Variants in RPS6KA2 observed in about 807,000 individuals in gnomAD.
The protein encoded by RPS6KA2 is ribosomal protein S6 kinase alpha-2.
A neutral mutation model predicts 91.8 loss-of-function variants in RPS6KA2; 42 were observed. The observed-to-expected ratio is 0.46, with a 90% CI of 0.36 to 0.59. RPS6KA2 has a LOEUF of 0.59. RPS6KA2 is among the 20% of genes least tolerant of loss of function. RPS6KA2 has a pLI of 0.00. For missense variants in RPS6KA2, 798 were observed against 978.5 expected (o/e 0.82, Z 2.46); for synonymous variants, 414 against 393.6 (o/e 1.05, Z -0.61).
intron 10 of RPS6KA2, among the ~76,000 whole-genome samples, chr6:166,474,835 G>A (rs948448938): frequency 1.3e-5 from 2 of 151,964 alleles, no homozygotes; most frequent in African/African-American, 4.8e-5. Flanking sequence ...CCACAACCGC[G>A]AGCCTCTCCC....
At chr6:166,586,634 T>C (rs1209664215) in intron 1 of RPS6KA2, among the ~76,000 whole-genome samples, 1 of 124,532 alleles carries the variant, frequency 8.0e-6, no homozygotes, top group East Asian at 1.9e-4. Context: ...ACCGTGGAAC[T>C]CCAGACCACT....
chr6:166,617,474 T>G lies in RPS6KA2; in HGVS notation c.99+9447A>C, dbSNP rs1786455552. Among the ~76,000 whole-genome samples the G allele has an allele frequency of 5.9e-5, 9 of 152,044 alleles. 1 individual carries two copies. The highest frequency in any genetic ancestry group is 5.9e-4 in the Admixed American group (9 of 15,266). ...GATTAGACATTTTTTCTACAGAAAA[T>G]TTTTCAAGGCCAAACAGTAGTTAGT... On this transcript the variant is annotated intron_variant, in intron 1 of 20. Transcript: ENST00000265678.
rs1010456606 is a variant in RPS6KA2 at position 166,412,061 on chromosome 6, C to T, written c.*701G>A. 1 of 152,468 alleles carries T rather than the reference C, an allele frequency of 6.6e-6. No homozygotes were observed. Among genetic ancestry groups the T allele is most frequent in the Non-Finnish European group, 1.5e-5 (1 of 68,166 alleles). The allele number at this position is 152,468 out of a possible 1,614,324, so 9.4% of individuals were successfully genotyped here. A position where few individuals can be genotyped will look rare whatever the true frequency, so the allele number is the denominator to read the frequency against. On this transcript the variant is annotated 3_prime_UTR_variant, in exon 21 of 21. Coordinates refer to ENST00000265678, the MANE Select transcript of RPS6KA2 (RefSeq NM_021135.6). The surrounding 1 kb of genome is among the most constrained non-coding windows in gnomAD (Gnocchi z 4.3). ...TCCTCCGAGAGGCACCCCCTTCCATCCTGGTGACACGGAGCTCTCAAGGCA... is the reference window on the plus strand; with the variant it reads ...TCCTCCGAGAGGCACCCCCTTCCATTCTGGTGACACGGAGCTCTCAAGGCA...
intron 1 of RPS6KA2, among the ~76,000 whole-genome samples, chr6:166,581,323 G>A (rs190937440): frequency 2.2e-4 from 34 of 152,270 alleles, no homozygotes; most frequent in African/African-American, 3.4e-4. Context: ...GGGCCTATGC[G>A]GAGAATGCCG....
intron 2 of RPS6KA2, among the ~76,000 whole-genome samples, chr6:166,636,892 G>A (rs1383840191): frequency 6.6e-6 from 1 of 152,204 alleles, no homozygotes; most frequent in African/African-American, 2.4e-5. Context: ...AGGACAAATA[G>A]CTATAGGCCA....
At chr6:166,728,453 A>G (rs538544260) in intron 2 of RPS6KA2, among the ~76,000 whole-genome samples, 10 of 152,308 alleles carry the variant, frequency 6.6e-5, no homozygotes, top group African/African-American at 9.6e-5. Context: ...CCATGGGTAC[A>G]TGACAAGCCT....
chr6:166,649,921 G>A (rs888632611), intron 2 of RPS6KA2, among the ~76,000 whole-genome samples: 2 of 152,154 alleles, frequency 1.3e-5, no homozygotes, highest in Non-Finnish European at 2.9e-5. Context: ...CTTCAGAACT[G>A]CATGCCCAAC....
In RPS6KA2 at chr6:166,414,942, AT is replaced by A. The variant is rs370070371; in HGVS notation, c.1939-1012del. 5.9e-3 allele frequency among the ~76,000 whole-genome samples: 899 copies of A among 152,250 alleles called. 3 individuals carry two copies. The highest frequency in any genetic ancestry group is 0.016 in the South Asian group (77 of 4,826). On this transcript the variant is annotated intron_variant, in intron 19 of 20. Coordinates refer to ENST00000265678, the MANE Select transcript of RPS6KA2 (RefSeq NM_021135.6). ...GAGCTGGGTGTGGTGGCATGCGCCT[AT>A]AATCCCAGCTACCTGGGGGGCTGAG...
chr6:166,768,978 C>T (rs1778394649), intron 2 of RPS6KA2, among the ~76,000 whole-genome samples: 1 of 152,202 alleles, frequency 6.6e-6, no homozygotes, highest in African/African-American at 2.4e-5. Context: ...CTGGCAGAAA[C>T]AGCCGCTTTC....
chr6:166,560,814 T>C (rs944815405), intron 1 of RPS6KA2, among the ~76,000 whole-genome samples: 6 of 152,260 alleles, frequency 3.9e-5, no homozygotes, highest in African/African-American at 1.4e-4. Flanking sequence ...TGCTTTTTCT[T>C]TTATTCTTCC....
Position 166,617,291 on chromosome 6 carries a change from T to TG in RPS6KA2, c.99+9629dup, listed in dbSNP as rs200298375. Among the ~76,000 whole-genome samples the TG allele has an allele frequency of 1.8e-3, 273 of 152,354 alleles. 1 individual carries two copies. The highest frequency in any genetic ancestry group is 6.4e-3 in the African/African-American group (265 of 41,582). On this transcript the variant is annotated intron_variant, in intron 1 of 20. Transcript: ENST00000265678. ...CTTAAAAATTACCAGCATTAATACA[T>TG]GTGGAAATCTGTGCATTTTAAAAAA...
chr6:166,668,096 G>C lies in RPS6KA2; in HGVS notation c.124-129312C>G, dbSNP rs992820189. Among the ~76,000 whole-genome samples, 3 of 152,218 alleles carry C rather than the reference G, an allele frequency of 2.0e-5. No individual in the cohort carries two copies. The East Asian group carries it at 5.8e-4, about 29-fold the overall frequency. On this transcript the variant is annotated intron_variant, in intron 2 of 21. Transcript: ENST00000503859. Reference sequence around the variant, plus strand: ...TGGGGCCAGGGAAAGGACAATGCCAGGTTCCTGGAGAGCTGGAGTGACACA... The same window carrying C: ...TGGGGCCAGGGAAAGGACAATGCCACGTTCCTGGAGAGCTGGAGTGACACA...
chr6:166,452,234 A>G (rs1489597691), intron 12 of RPS6KA2, among the ~76,000 whole-genome samples: 2 of 152,218 alleles, frequency 1.3e-5, no homozygotes, highest in African/African-American at 2.4e-5. Context: ...CAACATTTAA[A>G]GCCAACTTTA....
chr6:166,781,647 A>T (rs1248731749), intron 2 of RPS6KA2, among the ~76,000 whole-genome samples: 4 of 152,238 alleles, frequency 2.6e-5, no homozygotes, highest in Admixed American at 6.5e-5. Context: ...CTTGGTAAAC[A>T]GGCCCAGCTG....
chr6:166,740,731 G>GTAACCCAGTGGAAATATAT (rs1435007890), intron 2 of RPS6KA2, among the ~76,000 whole-genome samples: 2 of 152,248 alleles, frequency 1.3e-5, no homozygotes, highest in Non-Finnish European at 1.5e-5. Context: ...CAAAAAGACA[G>GTAACCCAGTGGAAATATAT]TAACCCAGTG....
At chr6:166,817,778 A>C (rs1264145562) in intron 2 of RPS6KA2, among the ~76,000 whole-genome samples, 1 of 149,456 alleles carries the variant, frequency 6.7e-6, no homozygotes, top group African/African-American at 2.5e-5. Flanking sequence ...GCTGGAGTGC[A>C]GTGGTGCGAT....
intron 14 of RPS6KA2, chr6:166,440,156 T>G (rs1450767984): frequency 6.6e-6 from 1 of 152,168 alleles, no homozygotes; most frequent in Non-Finnish European, 1.5e-5. Context: ...TGTGTTGCAT[T>G]CCTAAACAAT....
At chr6:166,800,333 A>G (rs959661996) in intron 2 of RPS6KA2, among the ~76,000 whole-genome samples, 75 of 152,338 alleles carry the variant, frequency 4.9e-4, no homozygotes, top group African/African-American at 1.7e-3. Context: ...GCTCCCGGAC[A>G]GTTCTGCGGC....
intron 2 of RPS6KA2, among the ~76,000 whole-genome samples, chr6:166,823,895 C>T (rs543401972): frequency 9.9e-5 from 15 of 152,274 alleles, no homozygotes; most frequent in South Asian, 2.1e-4. Context: ...TTCTCTGATA[C>T]GTGGGATAGT....
Sources: allele counts gnomAD v4.1 joint callset (sites outside exome capture counted in the v4.1 genomes callset), GRCh38; gene constraint gnomAD v4.1.1; non-coding constraint Gnocchi (gnomAD v3.1); transcripts MANE v1.5; gene names NCBI Gene and HGNC (gene_info 2026-07-23, HGNC 2026-07-21).